Variants in IREB2 observed in about 807,000 individuals in gnomAD.
The protein encoded by IREB2 is iron responsive element binding protein 2.
Under a neutral mutation model 118.8 loss-of-function variants are expected in IREB2, and 39 were observed. The ratio of observed to expected loss-of-function variants is 0.33; its 90% confidence interval spans 0.25 to 0.43. IREB2 has a LOEUF of 0.43. Ranked by LOEUF, IREB2 falls within the 20% of genes least tolerant of loss-of-function variation. The pLI is 1.00. For missense variants in IREB2, 900 were observed against 1,147.3 expected (o/e 0.78, Z 3.11); for synonymous variants, 372 against 392.2 (o/e 0.95, Z 0.61).
chr15:78,492,680 C>T (rs2051771671), intron 18 of IREB2, among the ~76,000 whole-genome samples: 1 of 152,088 alleles, frequency 6.6e-6, no homozygotes, highest in Non-Finnish European at 1.5e-5. Flanking sequence ...CTGTCTCACC[C>T]TCCTGAGTAG....
intron 2 of IREB2, among the ~76,000 whole-genome samples, chr15:78,453,073 T>C (rs374633069): frequency 4.6e-4 from 70 of 152,282 alleles, no homozygotes; most frequent in Non-Finnish European, 2.8e-4. Context: ...TGCTCTTTGC[T>C]CCAGAGCAAG....
At chr15:78,444,929 T>C (rs1202278322) in intron 2 of IREB2, among the ~76,000 whole-genome samples, 3 of 152,168 alleles carry the variant, frequency 2.0e-5, no homozygotes, top group Admixed American at 2.0e-4. Flanking sequence ...TATGAATGCA[T>C]TGTGGTTTAG....
In IREB2 at chr15:78,438,216, G is replaced by C. The variant is rs903572303; in HGVS notation, c.-122G>C. ...TCTGCTGCTCTCGCGATATTTGCGC[G>C]AGCCTGCTTCCTTCTTTCCTCCCTT... is the stretch of plus-strand genomic sequence containing the variant. On this transcript the variant is annotated 5_prime_UTR_variant, in exon 1 of 22. Transcript: ENST00000258886. 7.8e-5 allele frequency: 60 copies of C among 765,114 alleles called. No homozygotes were observed. The highest frequency in any genetic ancestry group is 5.4e-4 in the African/African-American group (31 of 57,798). 47.4% of individuals were successfully genotyped at this position (765,114 alleles called of 1,614,324 possible).
At position 78,471,966 on chromosome 15, in the gene IREB2, G is replaced by C. The variant is rs777207920; in HGVS notation, c.883+42G>C. On this transcript the variant is annotated intron_variant, in intron 7 of 21. Coordinates refer to ENST00000258886, the MANE Select transcript of IREB2 (RefSeq NM_004136.4). ...ATATATTTCATTTCTTTTGGGGTAA[G>C]GATGTCAAGAACATTGTAAAAGAAC... 4.3e-6 allele frequency: 6 copies of C among 1,394,238 alleles called. No individual in the cohort carries two copies. The African/African-American group carries it at 7.2e-5, about 17-fold the overall frequency. The allele number at this position is 1,394,238 out of a possible 1,614,324, so 86.4% of individuals were successfully genotyped here.
chr15:78,483,269 G>T (rs367906774), intron 10 of IREB2, 49 bp from the exon 11 acceptor site: 6 of 873,946 alleles, frequency 6.9e-6, no homozygotes, highest in African/African-American at 1.7e-5. Flanking sequence ...GGAATCTGTC[G>T]TAAGGAATTA....
intron 3 of IREB2, among the ~76,000 whole-genome samples, chr15:78,464,422 A>G (rs1299229489): frequency 1.3e-5 from 2 of 152,216 alleles, no homozygotes; most frequent in Non-Finnish European, 2.9e-5. Flanking sequence ...TGTGTGCCAC[A>G]GCTCTTTGTA....
chr15:78,463,733 C>T (rs2051235956), intron 3 of IREB2, among the ~76,000 whole-genome samples: 1 of 152,126 alleles, frequency 6.6e-6, no homozygotes, highest in Admixed American at 6.5e-5. Context: ...GGCGAGAGTG[C>T]AGTAATGCAG....
chr15:78,462,736 T>G (rs1277016276), intron 2 of IREB2, among the ~76,000 whole-genome samples, 186 bp from the exon 3 acceptor site: 1 of 152,200 alleles, frequency 6.6e-6, no homozygotes, highest in Non-Finnish European at 1.5e-5. Context: ...TACAGGAAAG[T>G]CAGTTACAAA....
intron 21 of IREB2, among the ~76,000 whole-genome samples, chr15:78,497,812 A>G (rs1383462915): frequency 1.3e-5 from 2 of 152,284 alleles, no homozygotes; most frequent in Admixed American, 6.5e-5. Context: ...AAATGCAGCT[A>G]TTTTTCTACT....
intron 7 of IREB2, among the ~76,000 whole-genome samples, chr15:78,472,211 G>A (rs2141490064): frequency 1.3e-5 from 2 of 152,308 alleles, no homozygotes; most frequent in Middle Eastern, 3.4e-3. Context: ...GCTTCTTTGT[G>A]TAAGGTACTT....
rs2050784824 is a variant in IREB2 at position 78,438,277 on chromosome 15, C to CCGGCCTCCCCCTTCTTCCCCCGCT, written c.-60_-37dup. On this transcript the variant is annotated 5_prime_UTR_variant, in exon 1 of 22. Coordinates refer to ENST00000258886, the MANE Select transcript of IREB2 (RefSeq NM_004136.4). The stretch of plus-strand genomic sequence containing the variant: ...CTGTCTTCCTCCCCGTCTTCCCTGC[C>CCGGCCTCCCCCTTCTTCCCCCGCT]CGGCCTCCCCCTTCTTCCCCCGCTG... 7.4e-7 allele frequency: 1 copy of CCGGCCTCCCCCTTCTTCCCCCGCT among 1,357,640 alleles called. No homozygotes were observed. Among genetic ancestry groups the CCGGCCTCCCCCTTCTTCCCCCGCT allele is most frequent in the Non-Finnish European group, 1.0e-6 (1 of 967,296 alleles). 84.1% of individuals were successfully genotyped at this position (1,357,640 alleles called of 1,614,324 possible).
intron 2 of IREB2, among the ~76,000 whole-genome samples, chr15:78,448,445 C>A (rs938547620): frequency 6.6e-6 from 1 of 151,920 alleles, no homozygotes; most frequent in Non-Finnish European, 1.5e-5. Context: ...ACGCCGGGCC[C>A]AATGGCAATA....
chr15:78,457,789 T>C (rs1266165504), intron 2 of IREB2, among the ~76,000 whole-genome samples: 2 of 152,190 alleles, frequency 1.3e-5, no homozygotes, highest in African/African-American at 2.4e-5. Flanking sequence ...AAACAAAAAA[T>C]ATTCCTGAGA....
intron 10 of IREB2, among the ~76,000 whole-genome samples, chr15:78,482,887 A>T (rs907017732): frequency 3.3e-5 from 5 of 151,918 alleles, no homozygotes; most frequent in African/African-American, 1.2e-4. Context: ...AGCTGGGACT[A>T]CAGGCGCCCA....
intron 13 of IREB2, 26 bp downstream of exon 13, chr15:78,485,866 A>G (rs374481509): frequency 1.2e-6 from 2 of 1,603,024 alleles, no homozygotes; most frequent in East Asian, 2.2e-5. Flanking sequence ...CGCACTTCAT[A>G]TTGATATTGG....
intron 10 of IREB2, chr15:78,480,135 A>ACATAGTAGATATTCAGT (rs1366132265): frequency 3.2e-4 from 49 of 152,204 alleles, no homozygotes; most frequent in Admixed American, 2.9e-3. Flanking sequence ...AATTGCTGGC[A>ACATAGTAGATATTCAGT]CATAGTAGAT....
intron 14 of IREB2, 129 bp downstream of exon 14, chr15:78,487,946 G>A: frequency 1.5e-6 from 1 of 668,886 alleles, no homozygotes; most frequent in Non-Finnish European, 2.5e-6. Flanking sequence ...ATAGTAACCT[G>A]TGAATCTTTA....
chr15:78,464,360 G>A (rs2051246033), intron 3 of IREB2, among the ~76,000 whole-genome samples: 1 of 152,150 alleles, frequency 6.6e-6, no homozygotes, highest in South Asian at 2.1e-4. Flanking sequence ...TTTTGAAAGA[G>A]GCGTAGAGGT....
intron 10 of IREB2, among the ~76,000 whole-genome samples, chr15:78,482,395 A>G (rs16969892): frequency 0.031 from 4,713 of 152,324 alleles, 106 homozygotes; most frequent in Middle Eastern, 0.054. Flanking sequence ...AGAAATAAAT[A>G]GGAATCTAGT....
Sources: allele counts gnomAD v4.1 joint callset (sites outside exome capture counted in the v4.1 genomes callset), GRCh38; gene constraint gnomAD v4.1.1; transcripts MANE v1.5; gene names NCBI Gene and HGNC (gene_info 2026-07-23, HGNC 2026-07-21).